Variants in ENTREP1 observed in about 807,000 individuals in gnomAD.
ENTREP1 encodes the protein endosomal transmembrane epsin interactor 1.
chr9:69,325,428 C>G, the ENTREP1 span: 10 of 976,266 alleles, frequency 1.0e-5, no homozygotes, highest in African/African-American at 1.8e-4. Flanking sequence ...CCGCTGCCCC[C>G]GCTGCGGCCG....
chr9:69,378,669 G>T, the ENTREP1 span, among the ~76,000 whole-genome samples: 5 of 151,716 alleles, frequency 3.3e-5, no homozygotes, highest in South Asian at 2.1e-4. Flanking sequence ...TGAGGCAGGA[G>T]AATGGCATGA....
the ENTREP1 span, among the ~76,000 whole-genome samples, chr9:69,343,371 A>G: frequency 6.6e-6 from 1 of 152,232 alleles, no homozygotes; most frequent in East Asian, 1.9e-4. Flanking sequence ...AAGGGAGAGC[A>G]GCTCTTTGCC....
chr9:69,388,501 C>T, the ENTREP1 span: 5 of 1,395,526 alleles, frequency 3.6e-6, no homozygotes, highest in Non-Finnish European at 4.8e-6. Context: ...ATTTTCATAG[C>T]AGCTAAAGTG....
chr9:69,363,500 A>G, the ENTREP1 span, among the ~76,000 whole-genome samples: 1 of 152,236 alleles, frequency 6.6e-6, no homozygotes, highest in Non-Finnish European at 1.5e-5. Context: ...TAGTAAAGGG[A>G]CGACTCACAA....
At chr9:69,389,377 C>T in the ENTREP1 span, among the ~76,000 whole-genome samples, 1 of 152,196 alleles carries the variant, frequency 6.6e-6, no homozygotes. Flanking sequence ...CTGTCCCTTC[C>T]GTTCCCCCTT....
chr9:69,383,611 G>A, the ENTREP1 span: 15 of 1,613,608 alleles, frequency 9.3e-6, no homozygotes, highest in East Asian at 3.1e-4. Flanking sequence ...GCTTTCTGAC[G>A]CCAAGTCGCT....
At chr9:69,371,272 A>G in the ENTREP1 span, 2 of 558,556 alleles carry the variant, frequency 3.6e-6, no homozygotes, top group Non-Finnish European at 6.4e-6. Context: ...AGAGAGAAAA[A>G]TAAGGACTTG....
At chr9:69,354,254 A>ATTTT in the ENTREP1 span, among the ~76,000 whole-genome samples, 36,658 of 105,238 alleles carry the variant, frequency 0.35, 7,569 homozygotes, top group Non-Finnish European at 0.36. Context: ...CTATTGCAAC[A>ATTTT]TTTTTTTTTT....
At chr9:69,383,088 C>T in the ENTREP1 span, 1 of 984,898 alleles carries the variant, frequency 1.0e-6, no homozygotes, top group Non-Finnish European at 1.2e-6. Context: ...GGTTCTTTAC[C>T]CACAGGACAA....
the ENTREP1 span, among the ~76,000 whole-genome samples, chr9:69,328,806 G>A: frequency 6.6e-6 from 1 of 152,092 alleles, no homozygotes; most frequent in Non-Finnish European, 1.5e-5. Context: ...TCACAGTTGT[G>A]CAACTATCAC....
the ENTREP1 span, chr9:69,377,506 C>T: frequency 1.2e-6 from 2 of 1,607,164 alleles, no homozygotes; most frequent in Non-Finnish European, 8.5e-7. Flanking sequence ...ATCATGGCCA[C>T]GTTTCCGCTG....
At chr9:69,343,579 C>T in the ENTREP1 span, among the ~76,000 whole-genome samples, 6 of 152,090 alleles carry the variant, frequency 3.9e-5, no homozygotes, top group South Asian at 2.1e-4. Context: ...CCTGAGTAGC[C>T]GATGTTGAAA....
At chr9:69,360,475 A>G in the ENTREP1 span, among the ~76,000 whole-genome samples, 1 of 152,042 alleles carries the variant, frequency 6.6e-6, no homozygotes, top group Non-Finnish European at 1.5e-5. Context: ...TCTCCAGTAA[A>G]ATATTTTATT....
At chr9:69,388,255 G>A in the ENTREP1 span, 39 of 1,614,040 alleles carry the variant, frequency 2.4e-5, no homozygotes, top group Non-Finnish European at 3.0e-5. Flanking sequence ...CTAGAGCTTC[G>A]CGATGCAGAC....
chr9:69,341,877 G>C, the ENTREP1 span, among the ~76,000 whole-genome samples: 121 of 152,086 alleles, frequency 8.0e-4, no homozygotes, highest in Admixed American at 3.1e-3. Flanking sequence ...ACCACTAATT[G>C]TCAGGTGACC....
the ENTREP1 span, chr9:69,377,453 A>G: frequency 6.2e-7 from 1 of 1,613,866 alleles, no homozygotes; most frequent in Non-Finnish European, 8.5e-7. Flanking sequence ...ACCTCCAGAT[A>G]TTCGCAACCA....
the ENTREP1 span, among the ~76,000 whole-genome samples, chr9:69,335,490 G>A: frequency 6.6e-6 from 1 of 152,192 alleles, no homozygotes; most frequent in East Asian, 1.9e-4. Flanking sequence ...GATGTCAGGA[G>A]CCTGGTTGGC....
At chr9:69,371,375 G>T in the ENTREP1 span, 12 of 817,166 alleles carry the variant, frequency 1.5e-5, no homozygotes, top group East Asian at 2.4e-5. Flanking sequence ...TTGAAAACAC[G>T]GTTCTGATCT....
the ENTREP1 span, among the ~76,000 whole-genome samples, chr9:69,367,730 AAT>A: frequency 7.7e-5 from 4 of 52,008 alleles, no homozygotes; most frequent in East Asian, 6.4e-4. Flanking sequence ...TATATATAAA[AAT>A]ATATATATAC....
Sources: gnomAD v4.1 joint callset for allele counts (sites outside exome capture counted in the v4.1 genomes callset) on GRCh38, gnomAD v4.1.1 for gene constraint, MANE v1.5 for transcripts, NCBI Gene and HGNC (gene_info 2026-07-23, HGNC 2026-07-21) for gene names.